The following CTNNA3 variants were observed in gnomAD, a reference collection of about 807,000 sequenced individuals.
CTNNA3 encodes catenin alpha-3.
CTNNA3 carries 76 observed loss-of-function variants against 95.7 expected under a neutral mutation model. The ratio of observed to expected loss-of-function variants is 0.79; its 90% CI spans 0.66 to 0.96. The LOEUF (loss-of-function observed/expected upper bound fraction) is 0.96. Among genes scored for constraint, CTNNA3 ranks in the 40% least tolerant of loss-of-function variants. CTNNA3 has a pLI of 0.00. For synonymous variants in CTNNA3, 431 were observed against 374.4 expected, an observed-to-expected ratio of 1.15 and a Z score of -1.74; for missense variants, 1,191 against 1,089.8, an observed-to-expected ratio of 1.09 and a Z score of -1.31.
intron 7 of CTNNA3, among the ~76,000 whole-genome samples, chr10:67,008,790 C>G (rs942710650): frequency 2.6e-5 from 4 of 152,160 alleles, no homozygotes; most frequent in African/African-American, 9.7e-5. Flanking sequence ...CAAAATAAGA[C>G]AGAAGGCCCC....
At chr10:67,654,736 G>A (rs1839974035) in intron 1 of CTNNA3, among the ~76,000 whole-genome samples, 1 of 152,182 alleles carries the variant, frequency 6.6e-6, no homozygotes, top group Non-Finnish European at 1.5e-5. Context: ...ATCTGGACCA[G>A]TAAAGTTACT....
chr10:66,257,223 A>G (rs1033003270), intron 13 of CTNNA3, among the ~76,000 whole-genome samples: 1 of 152,168 alleles, frequency 6.6e-6, no homozygotes, highest in South Asian at 2.1e-4. Flanking sequence ...AGTAAATCTG[A>G]TTGTGGCTAA....
At chr10:67,482,067 G>A (rs538957048) in intron 5 of CTNNA3, among the ~76,000 whole-genome samples, 14 of 151,848 alleles carry the variant, frequency 9.2e-5, no homozygotes, top group African/African-American at 2.4e-4. Flanking sequence ...GTAGATATAC[G>A]GCTTTATTTC....
At chr10:67,180,026 T>G (rs1332614638) in intron 7 of CTNNA3, among the ~76,000 whole-genome samples, 1 of 152,128 alleles carries the variant, frequency 6.6e-6, no homozygotes, top group Admixed American at 6.5e-5. Context: ...GATGTGCAAC[T>G]CTAGTTTCCT....
At chr10:66,676,524 T>A (rs1846861979) in intron 9 of CTNNA3, among the ~76,000 whole-genome samples, 1 of 152,024 alleles carries the variant, frequency 6.6e-6, no homozygotes, top group Non-Finnish European at 1.5e-5. Flanking sequence ...ATACTTTCAT[T>A]TGTGACTGCA....
chr10:66,446,888 CCTG>C (rs2093426170), intron 11 of CTNNA3, among the ~76,000 whole-genome samples: 1 of 151,748 alleles, frequency 6.6e-6, no homozygotes, highest in South Asian at 2.1e-4. Context: ...TCAAATTGTC[CCTG>C]TTTGCAGATG....
intron 16 of CTNNA3, among the ~76,000 whole-genome samples, chr10:65,968,390 T>C (rs1258280272): frequency 2.0e-5 from 3 of 151,732 alleles, no homozygotes; most frequent in Non-Finnish European, 4.4e-5. Context: ...AATAAATAAA[T>C]AAAAATAAAA....
chr10:66,796,915 CAT>C (rs1008004204), intron 7 of CTNNA3, among the ~76,000 whole-genome samples: 26 of 151,998 alleles, frequency 1.7e-4, no homozygotes, highest in Non-Finnish European at 2.8e-4. Context: ...CTAGTACACA[CAT>C]GTTCTGAGCT....
At chr10:66,714,727 G>A (rs1376086983) in intron 9 of CTNNA3, among the ~76,000 whole-genome samples, 1 of 152,086 alleles carries the variant, frequency 6.6e-6, no homozygotes, top group Non-Finnish European at 1.5e-5. Flanking sequence ...CTGGAGGTGG[G>A]GCCCAGCCAT....
intron 11 of CTNNA3, among the ~76,000 whole-genome samples, chr10:66,445,081 T>C (rs1397038520): frequency 1.3e-5 from 2 of 151,996 alleles, no homozygotes; most frequent in Non-Finnish European, 2.9e-5. Flanking sequence ...AAGAAGGCCA[T>C]TACATAATGG....
At chr10:67,085,426 A>G (rs934213189) in intron 7 of CTNNA3, among the ~76,000 whole-genome samples, 2 of 151,946 alleles carry the variant, frequency 1.3e-5, no homozygotes, top group Non-Finnish European at 2.9e-5. Context: ...AGTAAAAAAC[A>G]TAGGTAAGAC....
At chr10:66,592,196 C>A (rs376108198) in intron 10 of CTNNA3, among the ~76,000 whole-genome samples, 1 of 151,866 alleles carries the variant, frequency 6.6e-6, no homozygotes, top group South Asian at 2.1e-4. Context: ...AATTAGATAT[C>A]TGGTTTTTCA....
At chr10:66,781,779 T>C (rs1840545532) in intron 7 of CTNNA3, among the ~76,000 whole-genome samples, 1 of 152,136 alleles carries the variant, frequency 6.6e-6, no homozygotes. Flanking sequence ...GAAACAACAT[T>C]GTGTCAAATG....
intron 11 of CTNNA3, among the ~76,000 whole-genome samples, chr10:66,501,137 C>G (rs1840264461): frequency 6.6e-6 from 1 of 152,038 alleles, no homozygotes; most frequent in South Asian, 2.1e-4. Context: ...ATTTTACAAA[C>G]TTATGAAGAA....
At chr10:66,524,540 T>C (rs1201521740) in intron 10 of CTNNA3, among the ~76,000 whole-genome samples, 1 of 151,996 alleles carries the variant, frequency 6.6e-6, no homozygotes, top group Non-Finnish European at 1.5e-5. Flanking sequence ...ACATAAAAAG[T>C]TGTGTTGTGT....
chr10:66,944,402 G>A (rs940445544), intron 7 of CTNNA3, among the ~76,000 whole-genome samples: 8 of 151,986 alleles, frequency 5.3e-5, no homozygotes, highest in South Asian at 2.1e-4. Flanking sequence ...CTAGTTCCCC[G>A]CTATTTCCAC....
intron 17 of CTNNA3, among the ~76,000 whole-genome samples, chr10:65,952,757 G>T (rs2077645449): frequency 6.6e-6 from 1 of 152,116 alleles, no homozygotes; most frequent in Admixed American, 6.5e-5. Context: ...TTTCCTAATT[G>T]AATGAACATG....
intron 5 of CTNNA3, among the ~76,000 whole-genome samples, chr10:67,520,640 T>C (rs1411771631): frequency 6.6e-6 from 1 of 152,170 alleles, no homozygotes; most frequent in Admixed American, 6.5e-5. Flanking sequence ...TGTATCCTTT[T>C]TCATGTAAAT....
chr10:66,553,810 A>T (rs1842304834), intron 10 of CTNNA3, among the ~76,000 whole-genome samples: 1 of 151,986 alleles, frequency 6.6e-6, no homozygotes, highest in Non-Finnish European at 1.5e-5. Context: ...TACAGGCGTG[A>T]GCCACTGCGC....
Sources: allele counts gnomAD v4.1 joint callset (sites outside exome capture counted in the v4.1 genomes callset), GRCh38; gene constraint gnomAD v4.1.1; transcripts MANE v1.5; gene names NCBI Gene and HGNC (gene_info 2026-07-23, HGNC 2026-07-21).